BCL9: variants seen among roughly 807,000 people sequenced by gnomAD.
BCL9 encodes the protein BCL9 transcription coactivator, also known as B-cell CLL/lymphoma 9 protein.
A neutral mutation model predicts 88.5 loss-of-function variants in BCL9; 25 were observed. That is an observed-to-expected ratio of 0.28 (90% confidence interval 0.21 to 0.39). The LOEUF (loss-of-function observed/expected upper bound fraction) is 0.39. Ranked by LOEUF, BCL9 falls within the 10% of genes least tolerant of loss-of-function variation. The pLI, the probability that BCL9 is intolerant of heterozygous loss-of-function variation, is 1.00. For synonymous variants in BCL9, 711 were observed against 673.3 expected (o/e 1.06, Z -0.87); for missense variants, 1,817 against 1,877.8 (o/e 0.97, Z 0.60).
intron 1 of BCL9, among the ~76,000 whole-genome samples, chr1:147,547,536 C>T (rs1240839045): frequency 1.3e-5 from 2 of 152,060 alleles, no homozygotes; most frequent in Admixed American, 6.6e-5. Flanking sequence ...ATTAGTTTTA[C>T]GTTTTCTCAT....
intron 1 of BCL9, among the ~76,000 whole-genome samples, chr1:147,570,136 T>A (rs1405041348): frequency 6.6e-6 from 1 of 152,214 alleles, no homozygotes; most frequent in African/African-American, 2.4e-5. Flanking sequence ...TAACAGGATG[T>A]CTGAGCTGGA....
intron 1 of BCL9, among the ~76,000 whole-genome samples, chr1:147,563,947 G>C (rs190566699): frequency 2.6e-5 from 4 of 152,298 alleles, no homozygotes; most frequent in Admixed American, 2.6e-4. Flanking sequence ...TAAATCCTTT[G>C]AACTGTGTGA....
rs781994033 is a variant in BCL9 at position 147,619,694 on chromosome 1, A to AC, written c.1547dup (p.Pro517SerfsTer7). On this transcript the variant is annotated frameshift_variant, in exon 8 of 10. Transcript: ENST00000234739. LOFTEE classifies it high-confidence loss of function. The surrounding 1 kb of genome is among the most constrained non-coding windows in gnomAD (Gnocchi z 4.1). ...ACGGGCCTCGGGGAGTGGTCCGAGGACCCCCCCCTCCATACCAGATGACCC... is the reference window on the plus strand; with the variant it reads ...ACGGGCCTCGGGGAGTGGTCCGAGGACCCCCCCCCTCCATACCAGATGACCC... 80 of 1,609,608 alleles carry AC rather than the reference A, an allele frequency of 5.0e-5. No homozygotes were observed. The highest frequency in any genetic ancestry group is 1.1e-5 in the South Asian group (1 of 90,910).
At chr1:147,561,216 G>T (rs1655361955) in intron 1 of BCL9, among the ~76,000 whole-genome samples, 1 of 152,130 alleles carries the variant, frequency 6.6e-6, no homozygotes, top group African/African-American at 2.4e-5. Flanking sequence ...AAAAGAAACT[G>T]CTCAACTCAA....
chr1:147,587,995 GAT>G (rs1334476962), intron 1 of BCL9, among the ~76,000 whole-genome samples: 3 of 152,188 alleles, frequency 2.0e-5, no homozygotes, highest in African/African-American at 7.2e-5. Context: ...TCAAGTTTGT[GAT>G]ATAGTAATAT....
chr1:147,599,020 G>C (rs1161212966), intron 1 of BCL9, among the ~76,000 whole-genome samples: 1 of 152,218 alleles, frequency 6.6e-6, no homozygotes, highest in African/African-American at 2.4e-5. Flanking sequence ...CTCAGGCTTT[G>C]ACCCCTTCAG....
intron 1 of BCL9, among the ~76,000 whole-genome samples, chr1:147,551,909 G>A (rs1394066700): frequency 6.6e-6 from 1 of 152,102 alleles, no homozygotes; most frequent in African/African-American, 2.4e-5. Context: ...GTCAAAATAA[G>A]GTCTCTGAGA....
At chr1:147,564,115 G>A (rs587720133) in intron 1 of BCL9, among the ~76,000 whole-genome samples, 5 of 152,216 alleles carry the variant, frequency 3.3e-5, no homozygotes, top group East Asian at 3.9e-4. Context: ...ACAGAATCGC[G>A]GCTGTGCCAC....
At chr1:147,545,102 G>A (rs1654495671) in intron 1 of BCL9, among the ~76,000 whole-genome samples, 1 of 152,082 alleles carries the variant, frequency 6.6e-6, no homozygotes, top group Non-Finnish European at 1.5e-5. Flanking sequence ...CCTATACTTT[G>A]GGAACCCACA....
chr1:147,616,544 G>A (rs1213052249), intron 7 of BCL9, among the ~76,000 whole-genome samples: 1 of 152,068 alleles, frequency 6.6e-6, no homozygotes, highest in African/African-American at 2.4e-5. Context: ...GAGGCAGGCG[G>A]ATCACAAGGT....
At chr1:147,614,702 A>G (rs376123302) in intron 6 of BCL9, 86 bp downstream of exon 6, 5 of 1,367,518 alleles carry the variant, frequency 3.7e-6, no homozygotes, top group South Asian at 2.9e-5. Flanking sequence ...ATCTTTTATT[A>G]TCACCTAAAG....
intron 7 of BCL9, among the ~76,000 whole-genome samples, chr1:147,617,135 GT>G (rs1214934002): frequency 6.6e-6 from 1 of 152,172 alleles, no homozygotes; most frequent in Non-Finnish European, 1.5e-5. Flanking sequence ...CTACTCAAGG[GT>G]AGAAGATGCA....
intron 7 of BCL9, among the ~76,000 whole-genome samples, chr1:147,618,365 C>T (rs1184369962): frequency 2.9e-4 from 44 of 152,192 alleles, no homozygotes; most frequent in Admixed American, 2.8e-3. Flanking sequence ...ATGGCAACAT[C>T]AGGCCTTTTG....
chr1:147,580,519 T>C (rs1001234220), intron 1 of BCL9, among the ~76,000 whole-genome samples: 4 of 152,274 alleles, frequency 2.6e-5, no homozygotes, highest in South Asian at 2.1e-4. Flanking sequence ...TAGAAAAGCA[T>C]CGTGCACAGT....
At position 147,619,953 on chromosome 1, in the gene BCL9, C is replaced by A; in HGVS notation, c.1798C>A (p.Pro600Thr). 1 of 1,614,166 alleles carries A rather than the reference C, an allele frequency of 6.2e-7. No homozygotes were observed. The highest frequency in any genetic ancestry group is 1.1e-5 in the South Asian group (1 of 91,080). ...TTGGCCAGATGATGTGCCAAAAATC[C>A]CAGATGGTCGAAATTTTCCTCCTGG... is the stretch of plus-strand genomic sequence containing the variant. ...VSWPDDVPKI[P>T]DGRNFPPGQG... Residue 600 changes from proline to threonine, a missense_variant, in exon 8 of 10, where the codon CCA (proline) becomes ACA (threonine). Pro to Thr is a conservative substitution (Grantham distance 38). Transcript: ENST00000234739. The surrounding 1 kb of genome is among the most constrained non-coding windows in gnomAD (Gnocchi z 4.1).
At chr1:147,584,130 C>T (rs1459703621) in intron 1 of BCL9, among the ~76,000 whole-genome samples, 1 of 151,794 alleles carries the variant, frequency 6.6e-6, no homozygotes, top group Non-Finnish European at 1.5e-5. Flanking sequence ...TCACTGCAAC[C>T]TCTGCTTCCC....
At position 147,625,938 on chromosome 1, in the gene BCL9, C is replaced by CTAAG. The variant is rs782809949; in HGVS notation, c.*981_*984dup. The CTAAG allele has an allele frequency of 4.7e-5, 11 of 232,762 alleles. No individual in the cohort carries two copies. Among genetic ancestry groups the CTAAG allele is most frequent in the Non-Finnish European group, 9.4e-5 (11 of 117,544 alleles). 14.4% of individuals were successfully genotyped at this position (232,762 alleles called of 1,614,324 possible). ...GGATGCTCTCTGGTCTTTTTTCCCC[C>CTAAG]TAAGTCTTTCTCTTTCCCATCATAC... is the stretch of plus-strand genomic sequence containing the variant. On this transcript the variant is annotated 3_prime_UTR_variant, in exon 10 of 10. Transcript: ENST00000234739.
Position 147,620,694 on chromosome 1 carries a change from G to T in BCL9, c.2539G>T (p.Asp847Tyr), listed in dbSNP as rs1658580699. ...VQRGLGRKPL[D>Y]ISVAGSQVHS... ...GCGCGGCCTGGGGCGGAAGCCCTTG[G>T]ATATATCTGTGGCAGGCAGCCAGGT... The change falls in exon 8 of 10, where the codon GAT becomes TAT. Residue 847 changes from aspartate to tyrosine, a missense_variant. Around this residue, in one of 2 missense-constraint regions of BCL9, gnomAD observed 1,228 missense variants for 1,191.6 expected, o/e 1.03. Coordinates refer to ENST00000234739, the MANE Select transcript of BCL9 (RefSeq NM_004326.4). 6.2e-7 allele frequency: 1 copy of T among 1,614,186 alleles called. No homozygotes were observed. The highest frequency in any genetic ancestry group is 8.5e-7 in the Non-Finnish European group (1 of 1,180,046).
chr1:147,623,706 G>A, intron 9 of BCL9, 136 bp from the exon 10 acceptor site: 1 of 977,618 alleles, frequency 1.0e-6, no homozygotes, highest in Non-Finnish European at 1.5e-6. Context: ...ATTGATGGCA[G>A]GGATTGTGTG....
Sources: gnomAD v4.1 joint callset for allele counts (sites outside exome capture counted in the v4.1 genomes callset) on GRCh38, gnomAD v4.1.1 for gene constraint, gnomAD v4.1.1 regional missense constraint, Gnocchi (gnomAD v3.1) non-coding constraint, MANE v1.5 for transcripts, NCBI Gene and HGNC (gene_info 2026-07-23, HGNC 2026-07-21) for gene names.